The following FSIP1 variants were observed in gnomAD, a reference collection of about 807,000 sequenced individuals.
The protein encoded by FSIP1 is fibrous sheath-interacting protein 1.
Under a neutral mutation model 60.9 loss-of-function variants are expected in FSIP1, and 65 were observed. That is an observed-to-expected ratio of 1.07 (90% CI 0.87 to 1.31). The LOEUF (loss-of-function observed/expected upper bound fraction) is 1.31. Ranked by LOEUF, FSIP1 falls within the 40% of genes most tolerant of loss-of-function variation. FSIP1 has a pLI of 0.00. For synonymous variants in FSIP1, 209 were observed against 221.2 expected, an observed-to-expected ratio of 0.94 and a Z score of 0.49; for missense variants, 675 against 665.5, an observed-to-expected ratio of 1.01 and a Z score of -0.16.
At chr15:39,756,851 C>T in intron 5 of FSIP1, among the ~76,000 whole-genome samples, 1 of 152,106 alleles carries the variant, frequency 6.6e-6, no homozygotes, top group South Asian at 2.1e-4. Flanking sequence ...CCTTGCAGCT[C>T]CAGCTTTCAC....
intron 4 of FSIP1, among the ~76,000 whole-genome samples, chr15:39,764,232 T>A (rs530089557): frequency 2.6e-5 from 4 of 152,294 alleles, no homozygotes; most frequent in African/African-American, 9.6e-5. Flanking sequence ...TTCAGACATT[T>A]CAACATTGTT....
chr15:39,660,089 C>T (rs1284903994), intron 10 of FSIP1, among the ~76,000 whole-genome samples: 2 of 152,128 alleles, frequency 1.3e-5, no homozygotes, highest in African/African-American at 2.4e-5. Flanking sequence ...GACCAGCATG[C>T]CCTAGGATTG....
intron 10 of FSIP1, among the ~76,000 whole-genome samples, chr15:39,634,484 T>C (rs561653988): frequency 4.6e-5 from 7 of 152,306 alleles, no homozygotes; most frequent in African/African-American, 1.4e-4. Context: ...CAGCACTGTA[T>C]AACACAGCTG....
intron 10 of FSIP1, among the ~76,000 whole-genome samples, chr15:39,636,571 T>C (rs11070228): frequency 0.18 from 27,529 of 152,088 alleles, 3,020 homozygotes; most frequent in East Asian, 0.32. Context: ...AGGGCTGCTC[T>C]AACTGGCAAG....
chr15:39,653,325 C>A (rs1334962059), intron 10 of FSIP1, among the ~76,000 whole-genome samples: 1 of 152,038 alleles, frequency 6.6e-6, no homozygotes, highest in Non-Finnish European at 1.5e-5. Context: ...TTTATAAACA[C>A]TGTACACTTA....
At position 39,686,141 on chromosome 15, in the gene FSIP1, G is replaced by A. The variant is rs8037160; in HGVS notation, c.1188+27303C>T. ...GGCTAACCGAATTCACCACCTATAA[G>A]GGGATTCTCTAGGAAACCCACCACG... On this transcript the variant is annotated intron_variant, in intron 10 of 11. Coordinates refer to ENST00000350221, the MANE Select transcript of FSIP1 (RefSeq NM_152597.5). Among the ~76,000 whole-genome samples the A allele has an allele frequency of 9.3e-3, 1,423 of 152,238 alleles. 19 individuals carry two copies. The highest frequency in any genetic ancestry group is 0.032 in the African/African-American group (1,343 of 41,530).
intron 10 of FSIP1, among the ~76,000 whole-genome samples, chr15:39,705,498 T>C (rs1366440999): frequency 6.6e-6 from 1 of 152,124 alleles, no homozygotes; most frequent in Non-Finnish European, 1.5e-5. Context: ...GCCTTAATTA[T>C]GGCTCCCCTT....
intron 1 of FSIP1, among the ~76,000 whole-genome samples, chr15:39,781,724 A>G (rs1193857406): frequency 6.6e-6 from 1 of 152,250 alleles, no homozygotes; most frequent in African/African-American, 2.4e-5. Flanking sequence ...AAAAGGCCAC[A>G]GGGTGTTTGC....
chr15:39,625,785 C>A (rs749435956), intron 10 of FSIP1, among the ~76,000 whole-genome samples: 1 of 152,150 alleles, frequency 6.6e-6, no homozygotes, highest in Non-Finnish European at 1.5e-5. Context: ...CATAAAGAGC[C>A]TAAAAAGGGG....
intron 10 of FSIP1, among the ~76,000 whole-genome samples, chr15:39,618,655 G>A (rs2140382495): frequency 6.6e-6 from 1 of 152,360 alleles, no homozygotes; most frequent in Admixed American, 6.5e-5. Flanking sequence ...AAAGCTACAG[G>A]TCTAGGCAGA....
At chr15:39,674,604 A>G (rs1893865368) in intron 10 of FSIP1, among the ~76,000 whole-genome samples, 1 of 152,158 alleles carries the variant, frequency 6.6e-6, no homozygotes, top group Middle Eastern at 3.2e-3. Context: ...CATATGCATA[A>G]CTTTAATATA....
At position 39,644,043 on chromosome 15, in the gene FSIP1, A is replaced by G. The variant is rs189358695; in HGVS notation, c.1189-25798T>C. 1.3e-3 allele frequency among the ~76,000 whole-genome samples: 193 copies of G among 152,304 alleles called. 1 individual carries two copies. Among genetic ancestry groups the G allele is most frequent in the African/African-American group, 4.3e-3 (180 of 41,570 alleles). On this transcript the variant is annotated intron_variant, in intron 10 of 11. Coordinates refer to ENST00000350221, the MANE Select transcript of FSIP1 (RefSeq NM_152597.5). Reference sequence around the variant, plus strand: ...TGAGTAACAAACCTTGGTGACAGTAATTTTCCTTAGCTGAAACTCTCTATC... The same window carrying G: ...TGAGTAACAAACCTTGGTGACAGTAGTTTTCCTTAGCTGAAACTCTCTATC...
chr15:39,709,714 C>G (rs1478898146), intron 10 of FSIP1, among the ~76,000 whole-genome samples: 1 of 152,114 alleles, frequency 6.6e-6, no homozygotes, highest in Non-Finnish European at 1.5e-5. Flanking sequence ...CTTAGGTCAT[C>G]AGGCATTAGA....
intron 10 of FSIP1, among the ~76,000 whole-genome samples, chr15:39,648,491 C>T (rs1261140995): frequency 6.6e-6 from 1 of 152,170 alleles, no homozygotes; most frequent in Non-Finnish European, 1.5e-5. Flanking sequence ...TCTCATCTGC[C>T]GTGGTTGGGA....
At chr15:39,709,467 A>G (rs1381359619) in intron 10 of FSIP1, among the ~76,000 whole-genome samples, 1 of 152,246 alleles carries the variant, frequency 6.6e-6, no homozygotes, top group Admixed American at 6.5e-5. Flanking sequence ...AATCCAATTA[A>G]TAACAAATAT....
rs112311198 is a variant in FSIP1, at chr15:39,769,204, G to A, written c.310+1223C>T. ...TGAGGCAGGAGAATGGCGTGAACCC[G>A]GGAGGCAGAGCTTGCAGTGAGCCGA... On this transcript the variant is annotated intron_variant, in intron 3 of 11. Coordinates refer to ENST00000350221, the MANE Select transcript of FSIP1 (RefSeq NM_152597.5). Among the ~76,000 whole-genome samples, 1,197 of 151,762 alleles carry A rather than the reference G, an allele frequency of 7.9e-3. 14 individuals carry two copies. Among genetic ancestry groups the A allele is most frequent in the African/African-American group, 0.027 (1,121 of 41,424 alleles).
chr15:39,687,202 G>A (rs1894416991), intron 10 of FSIP1, among the ~76,000 whole-genome samples: 1 of 133,720 alleles, frequency 7.5e-6, no homozygotes, highest in African/African-American at 2.8e-5. Flanking sequence ...AGGCTGGAGT[G>A]GGAGTGCAAT....
At chr15:39,736,171 C>T (rs1291240025) in intron 8 of FSIP1, among the ~76,000 whole-genome samples, 2 of 152,236 alleles carry the variant, frequency 1.3e-5, no homozygotes, top group African/African-American at 4.8e-5. Context: ...TTGACCAAAA[C>T]ATCATTATGT....
intron 10 of FSIP1, among the ~76,000 whole-genome samples, chr15:39,621,206 T>C (rs780765776): frequency 1.2e-4 from 18 of 152,202 alleles, no homozygotes; most frequent in South Asian, 2.1e-4. Context: ...CTTTAGGTCA[T>C]TGACCAGACG....
Sources: gnomAD v4.1 joint callset for allele counts (sites outside exome capture counted in the v4.1 genomes callset) on GRCh38, gnomAD v4.1.1 for gene constraint, MANE v1.5 for transcripts, NCBI Gene and HGNC (gene_info 2026-07-23, HGNC 2026-07-21) for gene names.